CCKAR: variants seen among roughly 807,000 people sequenced by gnomAD.
CCKAR encodes the protein cholecystokinin receptor type A.
In CCKAR, 21 loss-of-function variants were observed where a neutral mutation model predicts 29.8. The observed-to-expected ratio is 0.70, with a 90% confidence interval of 0.50 to 1.01. The LOEUF is 1.01. Among genes scored for constraint, CCKAR ranks in the 50% least tolerant of loss-of-function variants. The pLI, the probability that CCKAR is intolerant of heterozygous loss-of-function variation, is 0.00. For missense variants in CCKAR, 570 were observed against 560.6 expected (o/e 1.02, Z -0.17); for synonymous variants, 238 against 221.3 (o/e 1.08, Z -0.67).
At chr4:26,488,223 C>T (rs1022252471) in intron 2 of CCKAR, among the ~76,000 whole-genome samples, 3 of 138,048 alleles carry the variant, frequency 2.2e-5, no homozygotes, top group Non-Finnish European at 4.6e-5. Context: ...CAGAGGGGAC[C>T]AAGAAATGTG....
At position 26,483,292 on chromosome 4, in the gene CCKAR, A is replaced by C; in HGVS notation, c.627-9T>G. The C allele has an allele frequency of 1.9e-6, 3 of 1,611,412 alleles. No homozygotes were observed. The highest frequency in any genetic ancestry group is 2.5e-6 in the Non-Finnish European group (3 of 1,179,284). On this transcript the variant is annotated splice_polypyrimidine_tract_variant and intron_variant, in intron 3 of 4. Coordinates refer to ENST00000295589, the MANE Select transcript of CCKAR (RefSeq NM_000730.3). Reference sequence around the variant, plus strand: ...GTAACAGGAATGTGTGCCTAATGAAATCAAAAGAAATCCAATAACCAGCAA... The same window carrying C: ...GTAACAGGAATGTGTGCCTAATGAACTCAAAAGAAATCCAATAACCAGCAA...
chr4:26,489,375 C>G lies in CCKAR; in HGVS notation c.222G>C (p.Thr74=). ...TVLIRNKRMR[T]VTNIFLLSLA... is the part of the protein sequence containing the mutation. ...GGGAGAGGAGGAAGATGTTGGTGAC[C>G]GTCCGCATCCGCTTGTTCCGAATCA... is the stretch of plus-strand genomic sequence containing the variant. Residue 74 remains threonine, a synonymous_variant, in exon 2 of 5, where the codon ACG becomes ACC. Coordinates refer to ENST00000295589, the MANE Select transcript of CCKAR (RefSeq NM_000730.3). 2 of 1,614,136 alleles carry G rather than the reference C, an allele frequency of 1.2e-6. No individual in the cohort carries two copies. The highest frequency in any genetic ancestry group is 1.3e-5 in the African/African-American group (1 of 75,036).
At chr4:26,486,901 G>A (rs963414943) in intron 2 of CCKAR, among the ~76,000 whole-genome samples, 13 of 152,010 alleles carry the variant, frequency 8.6e-5, no homozygotes, top group East Asian at 1.9e-4. Context: ...GCGACAGAGC[G>A]GCACTCCATC....
intron 1 of CCKAR, 138 bp from the exon 2 acceptor site, chr4:26,489,622 C>A: frequency 1.1e-6 from 1 of 898,726 alleles, no homozygotes; most frequent in East Asian, 2.6e-5. Flanking sequence ...CCTGTCCTGG[C>A]AACATTTTGC....
intron 1 of CCKAR, among the ~76,000 whole-genome samples, 192 bp downstream of exon 1, chr4:26,489,964 C>A (rs1737526042): frequency 6.6e-6 from 1 of 152,120 alleles, no homozygotes; most frequent in South Asian, 2.1e-4. Context: ...CCAACTCCCC[C>A]ATGGGGGACA....
At position 26,485,897 on chromosome 4, in the gene CCKAR, G is replaced by T. The variant is rs868508712; in HGVS notation, c.366C>A (p.Gly122=). ...AVCKTTTYFM[G]TSVSVSTFNL... is the part of the protein sequence containing the mutation. ...TAAAGGTAGATACACTCACAGAGGT[G>T]CCTGGGAAAGGAACAAAGAAGCCGG... The change falls in exon 3 of 5, where the codon GGC becomes GGA. Residue 122 remains glycine (G), a splice_region_variant and synonymous_variant. Coordinates refer to ENST00000295589, the MANE Select transcript of CCKAR (RefSeq NM_000730.3). 1 of 1,611,180 alleles carries T rather than the reference G, an allele frequency of 6.2e-7. No homozygotes were observed. The highest frequency in any genetic ancestry group is 8.5e-7 in the Non-Finnish European group (1 of 1,178,008).
intron 4 of CCKAR, 36 bp from the exon 5 acceptor site, chr4:26,482,206 T>G: frequency 6.3e-7 from 1 of 1,574,846 alleles, no homozygotes; most frequent in South Asian, 1.2e-5. Flanking sequence ...TTGCTGGGGA[T>G]GGGTCATGCC....
intron 3 of CCKAR, among the ~76,000 whole-genome samples, chr4:26,483,643 C>T (rs765808781): frequency 1.6e-4 from 24 of 152,138 alleles, no homozygotes; most frequent in African/African-American, 3.4e-4. Context: ...TTACATACAT[C>T]GAGGATTTCT....
chr4:26,485,522 A>G (rs1022929004), intron 3 of CCKAR, 115 bp downstream of exon 3: 2 of 1,128,298 alleles, frequency 1.8e-6, no homozygotes, highest in African/African-American at 3.1e-5. Flanking sequence ...AGACCTTCTC[A>G]AAACGTCTCC....
In CCKAR at chr4:26,482,167, C is replaced by T; in HGVS notation, c.758G>A (p.Arg253Lys). 1.2e-6 allele frequency: 2 copies of T among 1,606,572 alleles called. No homozygotes were observed. The highest frequency in any genetic ancestry group is 2.7e-5 in the African/African-American group (2 of 74,860). The change falls in exon 5 of 5, where the codon AGG becomes AAG. Residue 253 changes from arginine to lysine, a missense_variant. Transcript: ENST00000295589. ...EASQKKSAKE[R>K]KPSTTSSGKY... ...GCCGCTGCTGGTGGTGCTAGGTTTC[C>T]TTTCTGGGTGGGCAAGAGACATCAC...
chr4:26,485,719 A>G lies in CCKAR; in HGVS notation c.544T>C (p.Leu182=). Residue 182 remains leucine (L), a synonymous_variant, in exon 3 of 5, where the codon TTG becomes CTG. Coordinates refer to ENST00000295589, the MANE Select transcript of CCKAR (RefSeq NM_000730.3). ...IMTPYPIYSN[L]VPFTKNNNQT... ...TTGTTATTTTTGGTAAAAGGCACCA[A>G]GTTGCTATAAATGGGGTACGGAGTC... The G allele has an allele frequency of 1.2e-6, 2 of 1,614,176 alleles. No homozygotes were observed. Among genetic ancestry groups the G allele is most frequent in the South Asian group, 1.1e-5 (1 of 91,072 alleles).
At chr4:26,485,592 AAT>A (rs1234002413) in intron 3 of CCKAR, 43 bp downstream of exon 3, 2 of 1,603,858 alleles carry the variant, frequency 1.2e-6, no homozygotes, top group South Asian at 2.2e-5. Flanking sequence ...GATATTGCAA[AAT>A]TACATCAAGC....
In CCKAR at chr4:26,485,360, A is replaced by C. The variant is rs193129690; in HGVS notation, c.626+277T>G. Among the ~76,000 whole-genome samples the C allele has an allele frequency of 7.2e-5, 11 of 152,298 alleles. No individual in the cohort carries two copies. The East Asian group carries it at 2.1e-3, about 29-fold the overall frequency. On this transcript the variant is annotated intron_variant, in intron 3 of 4. Coordinates refer to ENST00000295589, the MANE Select transcript of CCKAR (RefSeq NM_000730.3). ...GGGAAACTTAACCTTTCCAAGTCTC[A>C]GTTTCCTCAACAGCAAAACGGACAC...
chr4:26,485,920 C>T lies in CCKAR; in HGVS notation c.365-22G>A, dbSNP rs144659087. 4.7e-4 allele frequency: 748 copies of T among 1,605,770 alleles called. 3 individuals carry two copies. In the South Asian group the frequency reaches 7.1e-3, roughly 15 times the overall value. ...GTGCCTGGGAAAGGAACAAAGAAGC[C>T]GGTTATGTTGACTCTGAAATCCAAA... On this transcript the variant is annotated intron_variant, in intron 2 of 4. Coordinates refer to ENST00000295589, the MANE Select transcript of CCKAR (RefSeq NM_000730.3).
rs755631893 is a variant in CCKAR, at chr4:26,482,147, T to A, written c.778A>T (p.Ser260Cys). 3.4e-5 allele frequency: 54 copies of A among 1,610,684 alleles called. No homozygotes were observed. In the Middle Eastern group the frequency reaches 1.5e-3, roughly 44 times the overall value. The change falls in exon 5 of 5, where the codon AGC (serine) becomes TGC (cysteine). Residue 260 changes from serine (S) to cysteine (C), a missense_variant. Ser to Cys is a moderately radical substitution (Grantham distance 112). Transcript: ENST00000295589. ...CCATCGCTGTCCTCATATTTGCCGC[T>A]GCTGGTGGTGCTAGGTTTCCTTTCT... Reference protein sequence around the residue: ...AKERKPSTTSSGKYEDSDGCY... With the variant: ...AKERKPSTTSCGKYEDSDGCY...
rs139441627 is a variant in CCKAR at position 26,481,799 on chromosome 4, G to A, written c.1126C>T (p.Arg376Cys). ...NPIIYCFMNK[R>C]FRLGFMATFP... is the part of the protein sequence containing the mutation. ...GTGGCCATGAAGCCGAGGCGGAAGC[G>A]TTTGTTCATGAAGCAGTAGATGATG... Residue 376 changes from arginine to cysteine, a missense_variant, in exon 5 of 5, where the codon CGC becomes TGC. Arg to Cys is a radical substitution (Grantham distance 180). Transcript: ENST00000295589. The A allele has an allele frequency of 1.7e-5, 27 of 1,613,846 alleles. No homozygotes were observed. The highest frequency in any genetic ancestry group is 2.2e-5 in the East Asian group (1 of 44,870).
chr4:26,489,638 C>A (rs543457345), intron 1 of CCKAR, among the ~76,000 whole-genome samples, 154 bp from the exon 2 acceptor site: 19 of 152,308 alleles, frequency 1.2e-4, no homozygotes, highest in South Asian at 6.2e-4. Flanking sequence ...TTTGCGGAAA[C>A]AAATTGAGGA....
chr4:26,485,932 C>T (rs752706966), intron 2 of CCKAR, 34 bp from the exon 3 acceptor site: 41 of 1,596,264 alleles, frequency 2.6e-5, no homozygotes, highest in Non-Finnish European at 3.2e-5. Context: ...GTTATGTTGA[C>T]TCTGAAATCC....
At chr4:26,483,312 C>A (rs781551824) in intron 3 of CCKAR, 29 bp from the exon 4 acceptor site, 2 of 1,609,540 alleles carry the variant, frequency 1.2e-6, no homozygotes, top group African/African-American at 1.3e-5. Context: ...ATCCAATAAC[C>A]AGCAACTTTA....
Sources: allele counts gnomAD v4.1 joint callset (sites outside exome capture counted in the v4.1 genomes callset), GRCh38; gene constraint gnomAD v4.1.1; transcripts MANE v1.5; gene names NCBI Gene and HGNC (gene_info 2026-07-23, HGNC 2026-07-21).